The following GPD1 variants were observed in gnomAD, a reference collection of about 807,000 sequenced individuals.
GPD1 encodes the protein glycerol-3-phosphate dehydrogenase [NAD(+)], cytoplasmic.
GPD1 carries 19 observed loss-of-function variants against 34.4 expected under a neutral mutation model. The ratio of observed to expected loss-of-function variants is 0.55; its 90% CI spans 0.39 to 0.81. The LOEUF is 0.81. Among genes scored for constraint, GPD1 ranks in the 30% least tolerant of loss-of-function variants. GPD1 has a pLI of 0.00. For synonymous variants in GPD1, 172 were observed against 174.1 expected (o/e 0.99, Z 0.09); for missense variants, 429 against 447.0 (o/e 0.96, Z 0.36).
chr12:50,104,833 C>A, intron 2 of GPD1, 82 bp downstream of exon 2: 1 of 1,222,404 alleles, frequency 8.2e-7, no homozygotes, highest in Non-Finnish European at 1.2e-6. Flanking sequence ...CAGGTGCCTC[C>A]TGCTGAGAGG....
rs1315922927 is a variant in GPD1 at position 50,109,547 on chromosome 12, T to C, written c.*28T>C. On this transcript the variant is annotated 3_prime_UTR_variant, in exon 8 of 8. Transcript: ENST00000301149. ...GGGGCCAGGGCCCAGGCCAGGCCGCTTTTTTACCCCAGTGGAGACCAGCAG... is the reference window on the plus strand; with the variant it reads ...GGGGCCAGGGCCCAGGCCAGGCCGCCTTTTTACCCCAGTGGAGACCAGCAG... The C allele has an allele frequency of 4.4e-6, 5 of 1,124,998 alleles. No homozygotes were observed. The highest frequency in any genetic ancestry group is 1.5e-5 in the African/African-American group (1 of 66,214). The allele number at this position is 1,124,998 out of a possible 1,614,324, so 69.7% of individuals were successfully genotyped here.
chr12:50,107,304 TG>T (rs1245549063), intron 5 of GPD1: 4 of 666,102 alleles, frequency 6.0e-6, no homozygotes, highest in African/African-American at 1.8e-5. Context: ...GGCTGTACAA[TG>T]GAATGGTCAT....
chr12:50,104,847 G>C, intron 2 of GPD1, 96 bp downstream of exon 2: 1 of 990,806 alleles, frequency 1.0e-6, no homozygotes, highest in Non-Finnish European at 1.6e-6. Flanking sequence ...TGAGAGGGCC[G>C]CTTCAGGTGC....
chr12:50,106,820 C>A lies in GPD1; in HGVS notation c.515C>A (p.Ala172Asp). ...CTCACTTTAGGCTGCAAGGACCCGG[C>A]CCAGGGACAACTCCTGAAAGAGCTG... ...CETTIGCKDP[A>D]QGQLLKELMQ... The change falls in exon 5 of 8, where the codon GCC becomes GAC. Residue 172 changes from alanine to aspartate, a missense_variant. Coordinates refer to ENST00000301149, the MANE Select transcript of GPD1 (RefSeq NM_005276.4). 3.7e-6 allele frequency: 6 copies of A among 1,603,812 alleles called. No individual in the cohort carries two copies. Among genetic ancestry groups the A allele is most frequent in the Non-Finnish European group, 5.1e-6 (6 of 1,172,538 alleles).
chr12:50,104,450 A>T, intron 1 of GPD1, 124 bp from the exon 2 acceptor site: 1 of 776,428 alleles, frequency 1.3e-6, no homozygotes. Context: ...AGTGGAGGTG[A>T]TAAGGAAGGT....
At chr12:50,106,774 C>A in intron 4 of GPD1, 31 bp from the exon 5 acceptor site, 1 of 1,198,688 alleles carries the variant, frequency 8.3e-7, no homozygotes, top group Non-Finnish European at 1.2e-6. Context: ...AAGAGTCCTT[C>A]CCTCAAAGCC....
At position 50,104,059 on chromosome 12, in the gene GPD1, C is replaced by T; in HGVS notation, c.9C>T (p.Ser3=). The change falls in exon 1 of 8, where the codon AGC becomes AGT. Residue 3 remains serine (S), a synonymous_variant. Coordinates refer to ENST00000301149, the MANE Select transcript of GPD1 (RefSeq NM_005276.4). MA[S]KKVCIVGSGN... is the part of the protein sequence containing the mutation. ...GGCAGAGACGCGGCACCATGGCTAG[C>T]AAGAAAGTCTGCATTGTAGGCTCCG... 1 of 1,614,048 alleles carries T rather than the reference C, an allele frequency of 6.2e-7. No individual in the cohort carries two copies. Among genetic ancestry groups the T allele is most frequent in the Non-Finnish European group, 8.5e-7 (1 of 1,179,974 alleles).
intron 1 of GPD1, 35 bp downstream of exon 1, chr12:50,104,126 T>G: frequency 6.3e-7 from 1 of 1,599,480 alleles, no homozygotes; most frequent in Non-Finnish European, 8.6e-7. Flanking sequence ...GGGGGAAGGG[T>G]AGGCCCCCCA....
At chr12:50,105,523 C>G in intron 2 of GPD1, 25 bp from the exon 3 acceptor site, 1 of 1,602,876 alleles carries the variant, frequency 6.2e-7, no homozygotes, top group Non-Finnish European at 8.5e-7. Context: ...CTGCCAGGCC[C>G]GCGAGCACTT....
intron 3 of GPD1, 129 bp downstream of exon 3, chr12:50,105,817 G>A: frequency 2.1e-6 from 2 of 952,452 alleles, no homozygotes; most frequent in Non-Finnish European, 3.3e-6. Context: ...AAGAGAGGCA[G>A]TTGGCTCTGG....
At chr12:50,108,230 A>G in intron 7 of GPD1, 100 bp downstream of exon 7, 2 of 730,390 alleles carry the variant, frequency 2.7e-6, no homozygotes, top group Non-Finnish European at 5.0e-6. Context: ...TGTGAAGTGG[A>G]CAGAAAGGGG....
intron 5 of GPD1, chr12:50,107,260 A>C: frequency 1.5e-6 from 1 of 650,034 alleles, no homozygotes; most frequent in Non-Finnish European, 2.8e-6. Context: ...ACTAATGGCC[A>C]GAACTATGGA....
intron 7 of GPD1, 79 bp downstream of exon 7, chr12:50,108,209 T>A: frequency 1.3e-6 from 1 of 798,758 alleles, no homozygotes; most frequent in East Asian, 2.6e-5. Context: ...TTCCTAAACC[T>A]GCCACAAATC....
rs1261133106 is a variant in GPD1, at chr12:50,107,578, C to T, written c.624C>T (p.Ala208=). The change falls in exon 6 of 8, where the codon GCC becomes GCT. Residue 208 remains alanine (A), a synonymous_variant. Coordinates refer to ENST00000301149, the MANE Select transcript of GPD1 (RefSeq NM_005276.4). ...TCCACTCCTTCAAGAATGTAGTGGC[C>T]GTGGGGGCTGGCTTCTGTGATGGCC... ...EICGALKNVV[A]VGAGFCDGLG... is the part of the protein sequence containing the mutation. The T allele has an allele frequency of 1.1e-5, 18 of 1,613,734 alleles. No individual in the cohort carries two copies. Among genetic ancestry groups the T allele is most frequent in the East Asian group, 6.7e-5 (3 of 44,890 alleles).
intron 7 of GPD1, among the ~76,000 whole-genome samples, chr12:50,108,583 C>T (rs1951000139): frequency 1.3e-5 from 2 of 152,084 alleles, no homozygotes; most frequent in Non-Finnish European, 2.9e-5. Flanking sequence ...GGTGATTGGG[C>T]TGATCAGAGC....
chr12:50,109,582 G>A lies in GPD1; in HGVS notation c.*63G>A. On this transcript the variant is annotated 3_prime_UTR_variant, in exon 8 of 8. Transcript: ENST00000301149. The stretch of plus-strand genomic sequence containing the variant: ...CAGTGGAGACCAGCAGAAGCCTGGG[G>A]TACCTAGTCACCAGGATCTCCAGGA... 1.2e-6 allele frequency: 1 copy of A among 820,116 alleles called. No individual in the cohort carries two copies. Among genetic ancestry groups the A allele is most frequent in the South Asian group, 1.3e-5 (1 of 74,498 alleles). 50.8% of individuals were successfully genotyped at this position (820,116 alleles called of 1,614,324 possible). A position where few individuals can be genotyped will look rare whatever the true frequency, so the allele number is the denominator to read the frequency against.
intron 4 of GPD1, 92 bp from the exon 5 acceptor site, chr12:50,106,713 C>G: frequency 1.3e-6 from 1 of 780,330 alleles, no homozygotes; most frequent in African/African-American, 1.8e-5. Context: ...TTGAGTCCAG[C>G]CTGGGCAACA....
At chr12:50,105,873 G>C in intron 3 of GPD1, 185 bp downstream of exon 3, 1 of 720,580 alleles carries the variant, frequency 1.4e-6, no homozygotes, top group East Asian at 2.7e-5. Context: ...CTGGAAGGGA[G>C]GCTGAAGGGA....
intron 7 of GPD1, 107 bp downstream of exon 7, chr12:50,108,237 G>A: frequency 1.4e-6 from 1 of 711,496 alleles, no homozygotes; most frequent in South Asian, 1.6e-5. Context: ...TGGACAGAAA[G>A]GGGAGTATTA....
Sources: gnomAD v4.1 joint callset for allele counts (sites outside exome capture counted in the v4.1 genomes callset) on GRCh38, gnomAD v4.1.1 for gene constraint, MANE v1.5 for transcripts, NCBI Gene and HGNC (gene_info 2026-07-23, HGNC 2026-07-21) for gene names.